Variants in ZDHHC14 observed in about 807,000 individuals in gnomAD.
ZDHHC14 encodes the protein zDHHC palmitoyltransferase 14.
ZDHHC14 carries 16 observed loss-of-function variants against 47.7 expected under a neutral mutation model. The ratio of observed to expected loss-of-function variants is 0.34; its 90% CI spans 0.23 to 0.51. The LOEUF (loss-of-function observed/expected upper bound fraction) is 0.51. Ranked by LOEUF, ZDHHC14 falls within the 20% of genes least tolerant of loss-of-function variation. The pLI is 0.97. For synonymous variants in ZDHHC14, 293 were observed against 278.9 expected (o/e 1.05, Z -0.50); for missense variants, 515 against 662.5 (o/e 0.78, Z 2.44).
At chr6:157,494,535 G>A (rs536401608) in intron 1 of ZDHHC14, among the ~76,000 whole-genome samples, 1 of 152,326 alleles carries the variant, frequency 6.6e-6, no homozygotes, top group Admixed American at 6.5e-5. Flanking sequence ...CTGGACTGCA[G>A]GGCTCTGGAA....
intron 1 of ZDHHC14, among the ~76,000 whole-genome samples, chr6:157,539,985 A>G (rs1158358092): frequency 2.0e-5 from 3 of 152,188 alleles, no homozygotes; most frequent in African/African-American, 7.2e-5. Flanking sequence ...CAGGAGCAGG[A>G]GCAGGTTCCC....
chr6:157,641,078 A>G lies in ZDHHC14; in HGVS notation c.753-4659A>G, dbSNP rs111787592. The stretch of plus-strand genomic sequence containing the variant: ...CCTGGAGATGTTTCCATGATGATAC[A>G]TAGATCTACCTCATTTTTTTAACTA... On this transcript the variant is annotated intron_variant, in intron 5 of 8. Coordinates refer to ENST00000359775, the MANE Select transcript of ZDHHC14 (RefSeq NM_024630.3). Among the ~76,000 whole-genome samples the G allele has an allele frequency of 7.5e-3, 1,137 of 152,324 alleles. 15 individuals carry two copies. The highest frequency in any genetic ancestry group is 0.026 in the African/African-American group (1,065 of 41,564).
intron 2 of ZDHHC14, among the ~76,000 whole-genome samples, chr6:157,555,832 G>C (rs765704850): frequency 3.3e-5 from 5 of 152,100 alleles, no homozygotes; most frequent in Non-Finnish European, 5.9e-5. Flanking sequence ...ATTATCTCCC[G>C]ACATTGCCAA....
intron 3 of ZDHHC14, among the ~76,000 whole-genome samples, chr6:157,604,801 C>T (rs1340229053): frequency 6.6e-6 from 1 of 152,190 alleles, no homozygotes; most frequent in Non-Finnish European, 1.5e-5. Context: ...GCCTCGGCCT[C>T]CCAAAATGCT....
intron 5 of ZDHHC14, among the ~76,000 whole-genome samples, chr6:157,643,204 G>A (rs1004416425): frequency 6.6e-6 from 1 of 152,194 alleles, no homozygotes; most frequent in African/African-American, 2.4e-5. Context: ...GGTTCCTTGA[G>A]ACCTCCTGAG....
intron 1 of ZDHHC14, among the ~76,000 whole-genome samples, chr6:157,466,766 A>T (rs1779228170): frequency 6.6e-6 from 1 of 151,756 alleles, no homozygotes; most frequent in Admixed American, 6.6e-5. Flanking sequence ...TGAACCCAGG[A>T]GATGAAAGCT....
intron 1 of ZDHHC14, among the ~76,000 whole-genome samples, chr6:157,533,012 C>T (rs17541859): frequency 6.6e-5 from 10 of 152,030 alleles, no homozygotes; most frequent in Non-Finnish European, 1.2e-4. Flanking sequence ...ACCACCAAAA[C>T]GCACATATGC....
At chr6:157,598,756 A>C (rs1461610210) in intron 3 of ZDHHC14, among the ~76,000 whole-genome samples, 4 of 152,256 alleles carry the variant, frequency 2.6e-5, no homozygotes, top group Non-Finnish European at 1.5e-5. Context: ...AGAGTATGCC[A>C]GTGTATAAGT....
At chr6:157,638,742 C>T (rs1437134365) in intron 5 of ZDHHC14, among the ~76,000 whole-genome samples, 1 of 152,220 alleles carries the variant, frequency 6.6e-6, no homozygotes, top group African/African-American at 2.4e-5. Context: ...TGGGTTCTCA[C>T]TAGGACTCCT....
At chr6:157,520,186 G>T (rs1187240405) in intron 1 of ZDHHC14, among the ~76,000 whole-genome samples, 1 of 152,202 alleles carries the variant, frequency 6.6e-6, no homozygotes, top group Admixed American at 6.5e-5. Flanking sequence ...TCTTGGGATA[G>T]TCTCTTCCCC....
chr6:157,545,804 C>T (rs1237979389), intron 2 of ZDHHC14, among the ~76,000 whole-genome samples: 1 of 152,106 alleles, frequency 6.6e-6, no homozygotes, highest in Non-Finnish European at 1.5e-5. Flanking sequence ...CCTGGCTCAC[C>T]CTTTCTCTAG....
At chr6:157,522,809 C>T (rs1211856093) in intron 1 of ZDHHC14, among the ~76,000 whole-genome samples, 1 of 23,764 alleles carries the variant, frequency 4.2e-5, no homozygotes, top group African/African-American at 3.3e-4. Flanking sequence ...CCCTCCCTCC[C>T]TCCCTCCCTC....
At chr6:157,613,784 G>A (rs1490312246) in intron 3 of ZDHHC14, among the ~76,000 whole-genome samples, 2 of 152,034 alleles carry the variant, frequency 1.3e-5, no homozygotes, top group Non-Finnish European at 2.9e-5. Context: ...AATAGGCTTC[G>A]GGAAATTGTA....
At position 157,600,543 on chromosome 6, in the gene ZDHHC14, T is replaced by G. The variant is rs546762998; in HGVS notation, c.565+7397T>G. Among the ~76,000 whole-genome samples, 76 of 152,270 alleles carry G rather than the reference T, an allele frequency of 5.0e-4. 2 individuals carry two copies. In the South Asian group the frequency reaches 0.016, roughly 32 times the overall value. ...GCCTCAGCCTCCCGAGTAGCTGGGA[T>G]TACAGGTGTGCACCACCACGCCTGG... is the stretch of plus-strand genomic sequence containing the variant. On this transcript the variant is annotated intron_variant, in intron 3 of 8. Coordinates refer to ENST00000359775, the MANE Select transcript of ZDHHC14 (RefSeq NM_024630.3).
intron 1 of ZDHHC14, among the ~76,000 whole-genome samples, chr6:157,493,213 C>T (rs984710208): frequency 7.4e-4 from 113 of 152,046 alleles, no homozygotes; most frequent in African/African-American, 2.4e-3. Flanking sequence ...TGGATGTGGG[C>T]GCAGGAAGAG....
intron 2 of ZDHHC14, among the ~76,000 whole-genome samples, chr6:157,578,268 G>T (rs1170961112): frequency 6.6e-6 from 1 of 152,102 alleles, no homozygotes; most frequent in African/African-American, 2.4e-5. Context: ...TCTTTGCCAG[G>T]TCCTATGTCC....
chr6:157,460,057 CAAAAAAA>C (rs35995673), intron 1 of ZDHHC14, among the ~76,000 whole-genome samples: 8 of 118,232 alleles, frequency 6.8e-5, no homozygotes, highest in Non-Finnish European at 1.0e-4. Context: ...ACTAAAAATA[CAAAAAAA>C]AAAAAAAAAA....
chr6:157,494,387 C>CT (rs1780005104), intron 1 of ZDHHC14, among the ~76,000 whole-genome samples: 1 of 152,352 alleles, frequency 6.6e-6, no homozygotes, highest in South Asian at 2.1e-4. Flanking sequence ...GCTCTGCATG[C>CT]TTTCTGCCTA....
At chr6:157,614,730 C>T (rs555567911) in intron 3 of ZDHHC14, among the ~76,000 whole-genome samples, 1 of 151,954 alleles carries the variant, frequency 6.6e-6, no homozygotes, top group Admixed American at 6.6e-5. Context: ...CCCAGATGGA[C>T]TTCGTGTTCT....
Sources: gnomAD v4.1 joint callset for allele counts (sites outside exome capture counted in the v4.1 genomes callset) on GRCh38, gnomAD v4.1.1 for gene constraint, MANE v1.5 for transcripts, NCBI Gene and HGNC (gene_info 2026-07-23, HGNC 2026-07-21) for gene names.